LRP1B: variants seen among roughly 807,000 people sequenced by gnomAD.
LRP1B encodes the protein low-density lipoprotein receptor-related protein 1B.
In LRP1B, 217 loss-of-function variants were observed where a neutral mutation model predicts 556.6. That is an observed-to-expected ratio of 0.39 (90% CI 0.35 to 0.44). The LOEUF (loss-of-function observed/expected upper bound fraction) is 0.44. Ranked by LOEUF, LRP1B falls within the 20% of genes least tolerant of loss-of-function variation. The pLI is 1.00. For synonymous variants in LRP1B, 2,047 were observed against 1,865.8 expected, an observed-to-expected ratio of 1.10 and a Z score of -2.50; for missense variants, 5,053 against 5,620.8, an observed-to-expected ratio of 0.90 and a Z score of 3.23.
intron 58 of LRP1B, among the ~76,000 whole-genome samples, chr2:140,486,417 A>G (rs184230527): frequency 1.1e-4 from 17 of 152,084 alleles, no homozygotes; most frequent in Admixed American, 9.2e-4. Flanking sequence ...CCACATTTCA[A>G]ATTTGGAAAA....
chr2:141,455,891 T>G (rs1294005248), intron 3 of LRP1B, among the ~76,000 whole-genome samples: 3 of 152,236 alleles, frequency 2.0e-5, no homozygotes, highest in Non-Finnish European at 4.4e-5. Flanking sequence ...CACTACAAGC[T>G]ATTTTATCTA....
At chr2:140,427,826 A>G (rs1392677279) in intron 66 of LRP1B, among the ~76,000 whole-genome samples, 2 of 151,420 alleles carry the variant, frequency 1.3e-5, no homozygotes, top group African/African-American at 4.9e-5. Flanking sequence ...GCTAGGTCCC[A>G]GTTCTTCCTC....
chr2:140,827,306 T>G (rs897935952), intron 31 of LRP1B, among the ~76,000 whole-genome samples: 1 of 152,040 alleles, frequency 6.6e-6, no homozygotes, highest in Non-Finnish European at 1.5e-5. Flanking sequence ...AGACAGCAAT[T>G]TGTGAGCTCT....
chr2:140,943,111 C>T (rs552316729), intron 20 of LRP1B, among the ~76,000 whole-genome samples: 14 of 151,922 alleles, frequency 9.2e-5, no homozygotes, highest in South Asian at 4.2e-4. Context: ...AAATGGAAAA[C>T]GAAAAACAGC....
At chr2:141,875,773 G>T (rs182396807) in intron 1 of LRP1B, among the ~76,000 whole-genome samples, 201 of 152,006 alleles carry the variant, frequency 1.3e-3, no homozygotes, top group Non-Finnish European at 2.1e-3. Context: ...AACTAAGATT[G>T]TGTGTCTGTG....
At chr2:140,280,671 T>C (rs1355970718) in intron 84 of LRP1B, among the ~76,000 whole-genome samples, 1 of 151,788 alleles carries the variant, frequency 6.6e-6, no homozygotes, top group African/African-American at 2.4e-5. Context: ...AACATTGATC[T>C]AAATGGTTAC....
At chr2:140,868,927 C>A (rs1693038714) in intron 25 of LRP1B, among the ~76,000 whole-genome samples, 1 of 151,970 alleles carries the variant, frequency 6.6e-6, no homozygotes, top group Non-Finnish European at 1.5e-5. Flanking sequence ...AGAAATGGGT[C>A]CCCGGTAAAA....
chr2:140,797,421 A>G lies in LRP1B; in HGVS notation c.5359+16236T>C, dbSNP rs138087788. 8.5e-5 allele frequency among the ~76,000 whole-genome samples: 13 copies of G among 152,224 alleles called. No individual in the cohort carries two copies. In the East Asian group the frequency reaches 2.5e-3, roughly 29 times the overall value. On this transcript the variant is annotated intron_variant, in intron 32 of 90. Coordinates refer to ENST00000389484, the MANE Select transcript of LRP1B (RefSeq NM_018557.3). ...AAGTAACTATAATTATTTTATTTATATGACTAGTTTATAGTTTATTATTTC... is the reference window on the plus strand; with the variant it reads ...AAGTAACTATAATTATTTTATTTATGTGACTAGTTTATAGTTTATTATTTC...
intron 41 of LRP1B, among the ~76,000 whole-genome samples, chr2:140,604,096 C>T (rs1682776836): frequency 6.6e-6 from 1 of 151,950 alleles, no homozygotes; most frequent in Admixed American, 6.6e-5. Context: ...ATCTACCCAA[C>T]CAGACTTGAA....
intron 3 of LRP1B, among the ~76,000 whole-genome samples, chr2:141,315,121 T>A (rs1407652483): frequency 6.6e-6 from 1 of 150,674 alleles, no homozygotes; most frequent in East Asian, 1.9e-4. Flanking sequence ...GGAACACAAA[T>A]CTAGTCTTAA....
intron 2 of LRP1B, among the ~76,000 whole-genome samples, chr2:141,702,824 G>C (rs16846913): frequency 0.34 from 51,786 of 151,718 alleles, 9,379 homozygotes; most frequent in East Asian, 0.59. Context: ...ATGTAAGGTT[G>C]AAAGTAAACT....
intron 32 of LRP1B, among the ~76,000 whole-genome samples, chr2:140,780,458 G>C (rs1689658817): frequency 1.3e-5 from 2 of 152,246 alleles, no homozygotes; most frequent in South Asian, 4.1e-4. Flanking sequence ...CCTCACCATG[G>C]GGACATGGGT....
intron 66 of LRP1B, among the ~76,000 whole-genome samples, chr2:140,391,100 G>T (rs1016584612): frequency 3.7e-4 from 56 of 151,920 alleles, no homozygotes; most frequent in African/African-American, 1.2e-3. Flanking sequence ...TAACCTTTCT[G>T]ATTATGATAA....
At chr2:141,157,956 C>T (rs1702109793) in intron 7 of LRP1B, among the ~76,000 whole-genome samples, 1 of 151,988 alleles carries the variant, frequency 6.6e-6, no homozygotes, top group African/African-American at 2.4e-5. Context: ...ATGTATTTTG[C>T]TTGTTTAGTG....
chr2:141,840,330 C>G, intron 1 of LRP1B, among the ~76,000 whole-genome samples: 1 of 130,650 alleles, frequency 7.7e-6, no homozygotes, highest in East Asian at 2.3e-4. Flanking sequence ...GTGGCGCCAT[C>G]TCGGCTCACT....
chr2:142,068,807 T>C (rs13385180), intron 1 of LRP1B, among the ~76,000 whole-genome samples: 12,874 of 151,590 alleles, frequency 0.085, 601 homozygotes, highest in African/African-American at 0.1. Context: ...TCTTTCCTTT[T>C]CCAAATTGAG....
chr2:140,721,139 A>G (rs769686842), intron 35 of LRP1B, among the ~76,000 whole-genome samples: 1 of 152,112 alleles, frequency 6.6e-6, no homozygotes, highest in Non-Finnish European at 1.5e-5. Flanking sequence ...ATGATCTTCT[A>G]ATGCTTTTAT....
At chr2:141,364,270 A>AAC (rs35479321) in intron 3 of LRP1B, among the ~76,000 whole-genome samples, 73,338 of 148,580 alleles carry the variant, frequency 0.49, 19,420 homozygotes, top group Non-Finnish European at 0.62. Flanking sequence ...TGGAGGAAAT[A>AAC]ACACACACAC....
chr2:141,462,070 T>C (rs1366183303), intron 3 of LRP1B, among the ~76,000 whole-genome samples: 1 of 152,232 alleles, frequency 6.6e-6, no homozygotes, highest in African/African-American at 2.4e-5. Context: ...GTTTCAAAAA[T>C]ATTTTAATAA....
Sources: allele counts gnomAD v4.1 joint callset (sites outside exome capture counted in the v4.1 genomes callset), GRCh38; gene constraint gnomAD v4.1.1; transcripts MANE v1.5; gene names NCBI Gene and HGNC (gene_info 2026-07-23, HGNC 2026-07-21).